Variants in COL25A1 observed in about 807,000 individuals in gnomAD.
COL25A1 encodes collagen type XXV alpha 1 chain, also known as collagen alpha-1(XXV) chain.
Under a neutral mutation model 128.4 loss-of-function variants are expected in COL25A1, and 103 were observed. The observed-to-expected ratio is 0.80, with a 90% CI of 0.68 to 0.94. The LOEUF is 0.94. Among genes scored for constraint, COL25A1 ranks in the 40% least tolerant of loss-of-function variants. COL25A1 has a pLI of 0.00. For synonymous variants in COL25A1, 279 were observed against 277.2 expected, an observed-to-expected ratio of 1.01 and a Z score of -0.06; for missense variants, 745 against 840.0, an observed-to-expected ratio of 0.89 and a Z score of 1.40.
intron 3 of COL25A1, among the ~76,000 whole-genome samples, chr4:109,275,154 C>G (rs572896807): frequency 6.6e-6 from 1 of 152,150 alleles, no homozygotes; most frequent in African/African-American, 2.4e-5. Flanking sequence ...AATGTCCCCC[C>G]GCTGGGTCTA....
intron 3 of COL25A1, among the ~76,000 whole-genome samples, chr4:109,284,801 T>C (rs1227813598): frequency 6.8e-6 from 1 of 147,720 alleles, no homozygotes; most frequent in East Asian, 2.0e-4. Flanking sequence ...TAAAAATATA[T>C]AGGTAGTCTT....
intron 19 of COL25A1, among the ~76,000 whole-genome samples, chr4:108,874,392 G>A (rs2125819725): frequency 6.6e-6 from 1 of 152,272 alleles, no homozygotes; most frequent in East Asian, 1.9e-4. Flanking sequence ...CAAAGTGACG[G>A]AGGAAACTGG....
At chr4:108,846,368 C>A in intron 27 of COL25A1, 149 bp from the exon 28 acceptor site, 1 of 627,956 alleles carries the variant, frequency 1.6e-6, no homozygotes, top group Non-Finnish European at 2.9e-6. Context: ...AGAGTTATTT[C>A]TTACAGCAAC....
intron 19 of COL25A1, among the ~76,000 whole-genome samples, chr4:108,871,706 T>C (rs1194967882): frequency 6.6e-6 from 1 of 152,212 alleles, no homozygotes. Context: ...TACATTCTGA[T>C]ACACTTCTTA....
At chr4:108,878,758 C>T (rs1236739838) in intron 19 of COL25A1, among the ~76,000 whole-genome samples, 1 of 152,038 alleles carries the variant, frequency 6.6e-6, no homozygotes, top group African/African-American at 2.4e-5. Context: ...AACTGGCTTA[C>T]ATCATGAAAG....
intron 27 of COL25A1, among the ~76,000 whole-genome samples, chr4:108,848,515 C>G (rs1735370414): frequency 6.6e-6 from 1 of 152,088 alleles, no homozygotes; most frequent in Admixed American, 6.6e-5. Context: ...TAAAAATTTG[C>G]AGGGGAGTCA....
chr4:109,268,947 T>A (rs943431235), intron 3 of COL25A1, among the ~76,000 whole-genome samples: 1 of 152,056 alleles, frequency 6.6e-6, no homozygotes, highest in Non-Finnish European at 1.5e-5. Context: ...TTTTTTTTTT[T>A]ATACTTTAAG....
At chr4:108,969,968 C>G (rs1438468789) in intron 8 of COL25A1, among the ~76,000 whole-genome samples, 2 of 152,172 alleles carry the variant, frequency 1.3e-5, no homozygotes, top group African/African-American at 4.8e-5. Flanking sequence ...ATCATGCTAT[C>G]TTGGCTCACT....
chr4:108,845,078 T>G, intron 29 of COL25A1, 111 bp downstream of exon 29: 1 of 889,350 alleles, frequency 1.1e-6, no homozygotes, highest in South Asian at 1.4e-5. Flanking sequence ...CCAAGAGGTT[T>G]GAGGTCTGTC....
chr4:109,154,721 G>A (rs1413108670), intron 3 of COL25A1, among the ~76,000 whole-genome samples: 8 of 152,048 alleles, frequency 5.3e-5, no homozygotes, highest in African/African-American at 1.9e-4. Flanking sequence ...AATCCTTGGT[G>A]GAAAACGAAA....
chr4:109,009,567 C>T (rs1215466408), intron 6 of COL25A1, among the ~76,000 whole-genome samples: 1 of 151,950 alleles, frequency 6.6e-6, no homozygotes, highest in East Asian at 1.9e-4. Flanking sequence ...CAATCTAAGG[C>T]AGAAATAACA....
At chr4:108,953,710 G>GA (rs112635680) in intron 8 of COL25A1, among the ~76,000 whole-genome samples, 7,624 of 151,972 alleles carry the variant, frequency 0.05, 508 homozygotes, top group African/African-American at 0.15. Context: ...CTTTTTTTAA[G>GA]AAAAAATAAA....
chr4:108,861,762 A>G (rs1359205077), intron 22 of COL25A1, among the ~76,000 whole-genome samples: 2 of 152,150 alleles, frequency 1.3e-5, no homozygotes, highest in Non-Finnish European at 2.9e-5. Context: ...TCTTTAAAAC[A>G]GCCTTAAATT....
intron 3 of COL25A1, among the ~76,000 whole-genome samples, chr4:109,074,915 T>C (rs983884125): frequency 2.0e-5 from 3 of 152,132 alleles, no homozygotes; most frequent in South Asian, 2.1e-4. Flanking sequence ...ATTGGTAACA[T>C]AAACTCACAC....
chr4:109,111,041 C>T (rs1766952834), intron 3 of COL25A1, among the ~76,000 whole-genome samples: 1 of 152,198 alleles, frequency 6.6e-6, no homozygotes, highest in South Asian at 2.1e-4. Context: ...TTCAAAACCC[C>T]GTGTGGCACA....
intron 3 of COL25A1, among the ~76,000 whole-genome samples, chr4:109,251,025 G>C (rs1780611524): frequency 6.6e-6 from 1 of 152,100 alleles, no homozygotes; most frequent in South Asian, 2.1e-4. Context: ...TCTTTTTCTT[G>C]ATATCCCATA....
intron 19 of COL25A1, among the ~76,000 whole-genome samples, chr4:108,875,792 G>A (rs1363541518): frequency 6.6e-6 from 1 of 152,144 alleles, no homozygotes; most frequent in South Asian, 2.1e-4. Flanking sequence ...ATTCACAATA[G>A]CAAAGACTTG....
chr4:108,981,815 T>C (rs994334149), intron 6 of COL25A1, among the ~76,000 whole-genome samples: 1 of 152,212 alleles, frequency 6.6e-6, no homozygotes, highest in Non-Finnish European at 1.5e-5. Context: ...ACCAATAATA[T>C]AATAGTAATT....
chr4:109,112,823 A>G (rs547421599), intron 3 of COL25A1, among the ~76,000 whole-genome samples: 1 of 152,282 alleles, frequency 6.6e-6, no homozygotes, highest in East Asian at 1.9e-4. Flanking sequence ...TTCTGTTCTT[A>G]TCCCAGATCT....
Sources: gnomAD v4.1 joint callset for allele counts (sites outside exome capture counted in the v4.1 genomes callset) on GRCh38, gnomAD v4.1.1 for gene constraint, MANE v1.5 for transcripts, NCBI Gene and HGNC (gene_info 2026-07-23, HGNC 2026-07-21) for gene names.